POPDC2: variants seen among roughly 807,000 people sequenced by gnomAD.
POPDC2 encodes popeye domain cAMP effector 2.
POPDC2 carries 24 observed loss-of-function variants against 30.5 expected under a neutral mutation model. The observed-to-expected ratio is 0.79, with a 90% CI of 0.57 to 1.11. POPDC2 has a LOEUF of 1.11. POPDC2 is among the 50% of genes least tolerant of loss of function. The pLI is 0.00. For synonymous variants in POPDC2, 185 were observed against 183.3 expected (o/e 1.01, Z -0.07); for missense variants, 409 against 447.0 (o/e 0.91, Z 0.77).
intron 2 of POPDC2, among the ~76,000 whole-genome samples, chr3:119,651,454 G>T (rs2052808298): frequency 6.6e-6 from 1 of 151,674 alleles, no homozygotes; most frequent in African/African-American, 2.4e-5. Context: ...TCCCCCATTA[G>T]AATGTAAATT....
intron 2 of POPDC2, among the ~76,000 whole-genome samples, chr3:119,650,471 A>G (rs928006009): frequency 3.3e-5 from 5 of 152,176 alleles, no homozygotes; most frequent in African/African-American, 9.7e-5. Flanking sequence ...AAGGTCACCA[A>G]TGACCTCTAA....
At chr3:119,659,903 A>G (rs2052921359) in intron 1 of POPDC2, 30 bp downstream of exon 1, 1 of 1,540,816 alleles carries the variant, frequency 6.5e-7, no homozygotes, top group Non-Finnish European at 8.8e-7. Flanking sequence ...CTGGGGAAAG[A>G]AATTCTGGGC....
chr3:119,648,194 C>A lies in POPDC2; in HGVS notation c.1075G>T (p.Asp359Tyr). The change falls in exon 3 of 4, where the codon GAT (aspartate) becomes TAT (tyrosine). Residue 359 changes from aspartate to tyrosine, a missense_variant. By Grantham distance (160) the Asp-to-Tyr change is radical. Coordinates refer to ENST00000493094, the MANE Select transcript of POPDC2 (RefSeq NM_001369919.2). ...ATGTACTCCCCATCACTCCTATAAT[C>A]CATAAACGATTCTGATCCTGACACC... Reference protein sequence around the residue: ...EEVSGSESFMDYRSDGEYMR With the variant: ...EEVSGSESFMYYRSDGEYMR 3 of 1,559,790 alleles carry A rather than the reference C, an allele frequency of 1.9e-6. No individual in the cohort carries two copies. The highest frequency in any genetic ancestry group is 2.6e-6 in the Non-Finnish European group (3 of 1,151,612).
intron 3 of POPDC2, among the ~76,000 whole-genome samples, chr3:119,646,706 G>A (rs891049678): frequency 1.3e-5 from 2 of 152,072 alleles, no homozygotes; most frequent in African/African-American, 4.8e-5. Context: ...AGAAATTGGA[G>A]AAGAAAGAAG....
rs139187395 is a variant in POPDC2 at position 119,658,637 on chromosome 3, T to G, written c.491+1296A>C. Among the ~76,000 whole-genome samples the G allele has an allele frequency of 3.3e-3, 499 of 152,356 alleles. 5 individuals are homozygous for G. The highest frequency in any genetic ancestry group is 3.3e-3 in the Non-Finnish European group (226 of 68,036). ...TCACAATAGTTATATGTATTTGTATTTACATCTATATCTGTTTACAAATAA... is the reference window on the plus strand; with the variant it reads ...TCACAATAGTTATATGTATTTGTATGTACATCTATATCTGTTTACAAATAA... On this transcript the variant is annotated intron_variant, in intron 1 of 3. Transcript: ENST00000493094.
At chr3:119,643,316 G>C in intron 3 of POPDC2, 2 of 1,198,706 alleles carry the variant, frequency 1.7e-6, no homozygotes, top group Non-Finnish European at 2.4e-6. Flanking sequence ...AGCTATTCAG[G>C]GGCTAAAGAG....
chr3:119,643,433 G>T, intron 3 of POPDC2: 3 of 1,533,066 alleles, frequency 2.0e-6, no homozygotes, highest in Non-Finnish European at 2.6e-6. Flanking sequence ...GGAAATAAGA[G>T]GGAAAATCAT....
chr3:119,649,581 A>C lies in POPDC2; in HGVS notation c.601-913T>G, dbSNP rs142418742. On this transcript the variant is annotated intron_variant, in intron 2 of 3. Transcript: ENST00000493094. ...ATTTTTAATAATCTAATTGACCCTA[A>C]TACTTTGGGCTGGCAGAGTTCATGA... is the stretch of plus-strand genomic sequence containing the variant. 1.8e-4 allele frequency among the ~76,000 whole-genome samples: 28 copies of C among 152,296 alleles called. No individual in the cohort carries two copies. The East Asian group carries it at 5.4e-3, about 29-fold the overall frequency.
chr3:119,644,044 G>C (rs1262850379), intron 3 of POPDC2, among the ~76,000 whole-genome samples: 1 of 151,352 alleles, frequency 6.6e-6, no homozygotes, highest in Admixed American at 6.6e-5. Context: ...TGATTACCTA[G>C]AACCATGCCT....
chr3:119,656,652 C>T (rs774226875), intron 1 of POPDC2, among the ~76,000 whole-genome samples: 2 of 152,154 alleles, frequency 1.3e-5, no homozygotes, highest in Non-Finnish European at 2.9e-5. Context: ...AGATTAGAAT[C>T]CAGTATGGGC....
At chr3:119,649,316 G>A (rs2052785002) in intron 2 of POPDC2, among the ~76,000 whole-genome samples, 1 of 152,084 alleles carries the variant, frequency 6.6e-6, no homozygotes, top group Admixed American at 6.5e-5. Context: ...ACTCTAAAGG[G>A]TAGAAAATCA....
chr3:119,656,526 G>T (rs2052880909), intron 1 of POPDC2, among the ~76,000 whole-genome samples: 1 of 152,134 alleles, frequency 6.6e-6, no homozygotes, highest in Admixed American at 6.5e-5. Flanking sequence ...CTAGTGCTCT[G>T]CCCCTGCAGG....
intron 3 of POPDC2, among the ~76,000 whole-genome samples, chr3:119,646,431 G>C (rs920605048): frequency 6.6e-6 from 1 of 152,030 alleles, no homozygotes; most frequent in African/African-American, 2.4e-5. Flanking sequence ...AGGAGTTCGA[G>C]AACAACCTGG....
intron 2 of POPDC2, among the ~76,000 whole-genome samples, chr3:119,653,023 AGTG>A (rs2052830098): frequency 5.6e-5 from 1 of 17,970 alleles, no homozygotes; most frequent in Non-Finnish European, 2.2e-4. Flanking sequence ...TAAAAGGGTG[AGTG>A]AGTGTGTGTG....
intron 3 of POPDC2, among the ~76,000 whole-genome samples, chr3:119,645,435 G>A (rs752259173): frequency 2.0e-5 from 3 of 152,090 alleles, no homozygotes; most frequent in Non-Finnish European, 2.9e-5. Flanking sequence ...GGTGGCGGGC[G>A]CCTATAGTCC....
chr3:119,655,233 C>T (rs755802785), intron 1 of POPDC2, among the ~76,000 whole-genome samples: 17 of 151,976 alleles, frequency 1.1e-4, no homozygotes, highest in Non-Finnish European at 2.5e-4. Flanking sequence ...GAGGCTGAGG[C>T]AAGAGAATCA....
At chr3:119,645,217 AT>A (rs1300397493) in intron 3 of POPDC2, among the ~76,000 whole-genome samples, 1 of 152,220 alleles carries the variant, frequency 6.6e-6, no homozygotes, top group Non-Finnish European at 1.5e-5. Context: ...GATAGTATGT[AT>A]TAAGGGTTGA....
intron 3 of POPDC2, among the ~76,000 whole-genome samples, chr3:119,644,480 A>G (rs2052723831): frequency 6.6e-6 from 1 of 152,242 alleles, no homozygotes; most frequent in South Asian, 2.1e-4. Flanking sequence ...CTGCATGAAT[A>G]CATTATCCTG....
chr3:119,656,807 G>A (rs2052884522), intron 1 of POPDC2, among the ~76,000 whole-genome samples: 1 of 152,186 alleles, frequency 6.6e-6, no homozygotes, highest in Non-Finnish European at 1.5e-5. Flanking sequence ...GGTACACCTT[G>A]TTCATTTGGG....
Sources: gnomAD v4.1 joint callset for allele counts (sites outside exome capture counted in the v4.1 genomes callset) on GRCh38, gnomAD v4.1.1 for gene constraint, MANE v1.5 for transcripts, NCBI Gene and HGNC (gene_info 2026-07-23, HGNC 2026-07-21) for gene names.